CCDC3: variants seen among roughly 807,000 people sequenced by gnomAD.
The protein encoded by CCDC3 is coiled-coil domain-containing protein 3.
Under a neutral mutation model 21.4 loss-of-function variants are expected in CCDC3, and 24 were observed. That is an observed-to-expected ratio of 1.12 (90% CI 0.81 to 1.58). CCDC3 has a LOEUF of 1.58. CCDC3 is among the 40% of genes most tolerant of loss of function. CCDC3 has a pLI of 0.00. For missense variants in CCDC3, 425 were observed against 360.9 expected (o/e 1.18, Z -1.44); for synonymous variants, 186 against 166.0 (o/e 1.12, Z -0.93).
At chr10:13,006,408 G>C (rs1459005675), upstream of CCDC3, among the ~76,000 whole-genome samples, 2 of 152,200 alleles carry the variant, frequency 1.3e-5, no homozygotes, top group Non-Finnish European at 2.9e-5. Context: ...GTTCATAGTA[G>C]TCTTCAGTCA....
intron 5 of CCDC3, among the ~76,000 whole-genome samples, chr10:13,040,128 G>A (rs1031138578): frequency 2.0e-5 from 3 of 152,106 alleles, no homozygotes; most frequent in East Asian, 1.9e-4. Context: ...GTCTGTCCCA[G>A]GAAAGATGGG....
At chr10:12,933,460 T>TTA (rs1468604822) in intron 2 of CCDC3, among the ~76,000 whole-genome samples, 23 of 149,130 alleles carry the variant, frequency 1.5e-4, no homozygotes, top group African/African-American at 5.4e-4. Context: ...TTCCCTTTAT[T>TTA]TTTTTTTTTT....
At chr10:13,060,334 G>A (rs972749457) in intron 4 of CCDC3, among the ~76,000 whole-genome samples, 1 of 152,104 alleles carries the variant, frequency 6.6e-6, no homozygotes, top group African/African-American at 2.4e-5. Flanking sequence ...AAACTGCACA[G>A]AGTAAGAAGA....
chr10:12,989,767 A>C (rs912880860), intron 2 of CCDC3, among the ~76,000 whole-genome samples: 3 of 152,096 alleles, frequency 2.0e-5, no homozygotes, highest in African/African-American at 7.2e-5. Flanking sequence ...TATTTTCGGA[A>C]TACTACTAAG....
At chr10:13,044,432 T>C (rs1409299164) in intron 5 of CCDC3, among the ~76,000 whole-genome samples, 1 of 152,252 alleles carries the variant, frequency 6.6e-6, no homozygotes, top group Non-Finnish European at 1.5e-5. Context: ...CTAAGACCAA[T>C]GTCCAGAATG....
rs182135678 is a variant in CCDC3 at position 13,072,935 on chromosome 10, C to G, written c.-270+933G>C. On this transcript the variant is annotated intron_variant, in intron 4 of 6. Transcript: ENST00000378839. The stretch of plus-strand genomic sequence containing the variant: ...AGGCTAGAGTGCAGTGGCATGATCT[C>G]GGCTCACTGCAACCTCCACCTCCTG... Among the ~76,000 whole-genome samples, 70 of 145,906 alleles carry G rather than the reference C, an allele frequency of 4.8e-4. 2 individuals carry two copies. The East Asian group carries it at 0.014, about 29-fold the overall frequency.
At chr10:12,983,698 G>A (rs1262899323) in intron 2 of CCDC3, among the ~76,000 whole-genome samples, 4 of 149,336 alleles carry the variant, frequency 2.7e-5, no homozygotes, top group Non-Finnish European at 5.9e-5. Context: ...CAAAAGATAT[G>A]AACATTTTAC....
intron 3 of CCDC3, among the ~76,000 whole-genome samples, chr10:13,093,456 C>G (rs1248143764): frequency 1.3e-5 from 2 of 152,150 alleles, no homozygotes; most frequent in Admixed American, 6.5e-5. Context: ...GGTGGGGACA[C>G]AGCCAAACCA....
At chr10:12,983,695 T>C (rs527245968) in intron 2 of CCDC3, among the ~76,000 whole-genome samples, 2 of 146,372 alleles carry the variant, frequency 1.4e-5, no homozygotes, top group Non-Finnish European at 1.5e-5. Flanking sequence ...GGGCAAAAGA[T>C]ATGAACATTT....
chr10:13,066,972 A>G (rs1836827376), intron 4 of CCDC3, among the ~76,000 whole-genome samples: 1 of 152,168 alleles, frequency 6.6e-6, no homozygotes, highest in Non-Finnish European at 1.5e-5. Context: ...GCCCAGTTTT[A>G]GCTGAACTAA....
chr10:12,942,545 C>G (rs935290743), intron 2 of CCDC3, among the ~76,000 whole-genome samples: 3 of 143,884 alleles, frequency 2.1e-5, no homozygotes, highest in African/African-American at 7.4e-5. Flanking sequence ...GAGTCATGTT[C>G]AACATGGACG....
intron 2 of CCDC3, among the ~76,000 whole-genome samples, chr10:12,978,570 G>C (rs191565703): frequency 2.6e-5 from 4 of 151,300 alleles, no homozygotes; most frequent in African/African-American, 7.3e-5. Flanking sequence ...GAGAGAGAGA[G>C]AGATAAGGCC....
At chr10:13,040,319 G>A (rs763196450) in intron 5 of CCDC3, among the ~76,000 whole-genome samples, 13 of 152,170 alleles carry the variant, frequency 8.5e-5, no homozygotes, top group African/African-American at 2.4e-5. Context: ...ATGTTAACAC[G>A]TTTGCCAGCC....
chr10:13,045,175 C>A (rs1483825993), intron 5 of CCDC3, among the ~76,000 whole-genome samples: 1 of 152,084 alleles, frequency 6.6e-6, no homozygotes, highest in Non-Finnish European at 1.5e-5. Flanking sequence ...GCCTGAAATT[C>A]TTTTATTGAC....
chr10:12,998,463 C>A lies in CCDC3; in HGVS notation c.424G>T (p.Ala142Ser). 6.2e-7 allele frequency: 1 copy of A among 1,614,092 alleles called. No homozygotes were observed. The highest frequency in any genetic ancestry group is 8.5e-7 in the Non-Finnish European group (1 of 1,180,016). Residue 142 changes from alanine to serine, a missense_variant, in exon 2 of 3, where the codon GCC becomes TCC. Coordinates refer to ENST00000378825, the MANE Select transcript of CCDC3 (RefSeq NM_031455.4). ...LLPHGVNFQDAIFPDTQENRR... is the reference protein window; with the variant it reads ...LLPHGVNFQDSIFPDTQENRR... Reference sequence around the variant, plus strand: ...TTCTCTTGAGTGTCTGGGAAGATGGCATCTTGGAAATTGACTCCGTGAGGC... The same window carrying A: ...TTCTCTTGAGTGTCTGGGAAGATGGAATCTTGGAAATTGACTCCGTGAGGC...
chr10:12,989,280 A>G (rs979461710), intron 2 of CCDC3, among the ~76,000 whole-genome samples: 2 of 152,036 alleles, frequency 1.3e-5, no homozygotes, highest in Non-Finnish European at 2.9e-5. Context: ...TAAATCCCCC[A>G]TTCCTTAAGC....
chr10:13,041,738 T>A (rs1836458895), intron 5 of CCDC3, among the ~76,000 whole-genome samples: 1 of 151,854 alleles, frequency 6.6e-6, no homozygotes, highest in African/African-American at 2.4e-5. Context: ...TCCACCTGCC[T>A]CAACCTCCCA....
chr10:12,916,617 C>G (rs1178162656), intron 2 of CCDC3, among the ~76,000 whole-genome samples: 1 of 59,482 alleles, frequency 1.7e-5, no homozygotes, highest in Non-Finnish European at 3.4e-5. Flanking sequence ...GAGACTCCAT[C>G]TCAGAAAAAA....
Position 13,037,711 on chromosome 10 carries a change from C to T in CCDC3, c.-2+11963G>A, listed in dbSNP as rs544955162. On this transcript the variant is annotated intron_variant, in intron 5 of 6. Coordinates refer to the CCDC3 transcript ENST00000378839. ...GCATAGTAGCTCATGTCTATAATCCCGGCACTTTGGGAGGCCAAGGTGGGA... is the reference window on the plus strand; with the variant it reads ...GCATAGTAGCTCATGTCTATAATCCTGGCACTTTGGGAGGCCAAGGTGGGA... Among the ~76,000 whole-genome samples, 74 of 152,276 alleles carry T rather than the reference C, an allele frequency of 4.9e-4. 1 individual carries two copies. Among genetic ancestry groups the T allele is most frequent in the African/African-American group, 1.6e-3 (66 of 41,560 alleles).
Sources: gnomAD v4.1 joint callset for allele counts (sites outside exome capture counted in the v4.1 genomes callset) on GRCh38, gnomAD v4.1.1 for gene constraint, MANE v1.5 for transcripts, NCBI Gene and HGNC (gene_info 2026-07-23, HGNC 2026-07-21) for gene names.